The following FGD1 variants were observed in gnomAD, a reference collection of about 807,000 sequenced individuals.
FGD1 encodes FYVE, RhoGEF and PH domain-containing protein 1.
A neutral mutation model predicts 65.0 loss-of-function variants in FGD1; 12 were observed. The observed-to-expected ratio is 0.18, with a 90% CI of 0.12 to 0.30. The LOEUF (loss-of-function observed/expected upper bound fraction) is 0.30. FGD1 is among the 10% of genes least tolerant of loss of function. FGD1 has a pLI of 1.00. For synonymous variants in FGD1, 333 were observed against 343.9 expected (o/e 0.97, Z 0.35); for missense variants, 542 against 837.6 (o/e 0.65, Z 4.36).
At chrX:54,469,135 A>G (rs1319303773) in intron 4 of FGD1, among the ~76,000 whole-genome samples, 1 of 111,649 alleles carries the variant, frequency 9.0e-6, no homozygotes. Flanking sequence ...CTATTCACTC[A>G]GCAGAGTGTA....
intron 1 of FGD1, among the ~76,000 whole-genome samples, chrX:54,476,333 G>T (rs1430863087): frequency 1.9e-5 from 2 of 105,449 alleles, no homozygotes; most frequent in Non-Finnish European, 3.9e-5. Flanking sequence ...ACCCAGCAAG[G>T]TCCTGGATTC....
intron 1 of FGD1, among the ~76,000 whole-genome samples, chrX:54,484,022 C>T (rs5961076): frequency 0.13 from 14,720 of 111,323 alleles, 1,489 homozygotes; most frequent in African/African-American, 0.34. Context: ...TTGTGAAGGG[C>T]TCCCTTTGCC....
intron 1 of FGD1, among the ~76,000 whole-genome samples, chrX:54,476,357 CTT>C (rs148927324): frequency 0.15 from 15,305 of 99,218 alleles, 2,148 homozygotes; most frequent in African/African-American, 0.42. Flanking sequence ...TTCTCCAGCC[CTT>C]TTTTTTTTTT....
chrX:54,479,704 T>C (rs1569541375), intron 1 of FGD1, among the ~76,000 whole-genome samples: 1 of 90,795 alleles, frequency 1.1e-5, no homozygotes, highest in Admixed American at 1.5e-4. Flanking sequence ...GCAGAGGGAG[T>C]GGAGAAGAAC....
intron 1 of FGD1, among the ~76,000 whole-genome samples, chrX:54,482,825 A>G (rs1474240299): frequency 9.0e-6 from 1 of 111,388 alleles, no homozygotes; most frequent in Non-Finnish European, 1.9e-5. Context: ...AGAGACAGAA[A>G]GGTCCACACA....
intron 12 of FGD1, among the ~76,000 whole-genome samples, chrX:54,451,225 G>A (rs1304925297): frequency 2.7e-5 from 3 of 110,670 alleles, no homozygotes; most frequent in African/African-American, 6.6e-5. Context: ...ATCAGTGTGC[G>A]TTCCCCTTCC....
rs1922142465 is a variant in FGD1, at chrX:54,445,889, G to A, written c.*220C>T. 3 of 411,883 alleles carry A rather than the reference G, an allele frequency of 7.3e-6. No individual in the cohort carries two copies. The South Asian group carries it at 1.4e-4, about 19-fold the overall frequency. 33.9% of individuals were successfully genotyped at this position (411,883 alleles called of 1,213,427 possible). On this transcript the variant is annotated 3_prime_UTR_variant, in exon 18 of 18. Transcript: ENST00000375135. Reference sequence around the variant, plus strand: ...CGGCTCCCACCCTCCCTGGGGACAGGGATTAATAAAAATTGACATCACTGT... The same window carrying A: ...CGGCTCCCACCCTCCCTGGGGACAGAGATTAATAAAAATTGACATCACTGT...
At chrX:54,465,370 G>T in intron 8 of FGD1, 81 bp downstream of exon 8, 1 of 1,056,862 alleles carries the variant, frequency 9.5e-7, no homozygotes, top group Non-Finnish European at 1.3e-6. Context: ...TGTGAATTAA[G>T]TCTTGGGGTC....
intron 1 of FGD1, among the ~76,000 whole-genome samples, chrX:54,482,236 G>GCGCGCGCACACACACACACACACACACA (rs796491256): frequency 1.0e-5 from 1 of 99,367 alleles, no homozygotes; most frequent in African/African-American, 3.9e-5. Context: ...GCACACGCGC[G>GCGCGCGCACACACACACACACACACACA]CACACACACA....
At position 54,456,443 on chromosome X, in the gene FGD1, C is replaced by T. The variant is rs1922504530; in HGVS notation, c.1695+66G>A. 3 of 1,204,950 alleles carry T rather than the reference C, an allele frequency of 2.5e-6. No homozygotes were observed. In the East Asian group the frequency reaches 8.9e-5, roughly 36 times the overall value. ...AGATGCCCACAAGTCACGACACCCCCACTCCAGGATGGAGACACCACAGGT... is the reference window on the plus strand; with the variant it reads ...AGATGCCCACAAGTCACGACACCCCTACTCCAGGATGGAGACACCACAGGT... On this transcript the variant is annotated intron_variant, in intron 9 of 17. Transcript: ENST00000375135.
intron 1 of FGD1, among the ~76,000 whole-genome samples, chrX:54,477,922 A>T (rs1923055975): frequency 9.1e-6 from 1 of 109,318 alleles, no homozygotes; most frequent in African/African-American, 3.3e-5. Context: ...GTTCGAGACC[A>T]GCCTGACCAA....
chrX:54,469,696 G>T, intron 4 of FGD1, among the ~76,000 whole-genome samples: 1 of 111,971 alleles, frequency 8.9e-6, no homozygotes, highest in Non-Finnish European at 1.9e-5. Flanking sequence ...ATGTTAGGCT[G>T]CCCGGGCACA....
At chrX:54,468,722 T>G (rs893083464) in intron 5 of FGD1, 65 bp downstream of exon 5, 80 of 776,590 alleles carry the variant, frequency 1.0e-4, no homozygotes, top group Non-Finnish European at 1.5e-4. Context: ...TCAGGCCCTA[T>G]CACTGCCTCC....
chrX:54,465,733 C>T lies in FGD1; in HGVS notation c.1460G>A (p.Arg487His), dbSNP rs763597806. The change falls in exon 7 of 18, where the codon CGC (arginine) becomes CAC (histidine). Residue 487 changes from arginine (R) to histidine (H), a missense_variant. Arg to His is a conservative substitution (Grantham distance 29, BLOSUM62 0). Around this residue, in one of 6 missense-constraint regions of FGD1, gnomAD observed 41 missense variants for 109.5 expected, o/e 0.37. Transcript: ENST00000375135. ...AVELVNTWTERSTQFKVIIHE... is the reference protein window; with the variant it reads ...AVELVNTWTEHSTQFKVIIHE... ...GATGATGACTTTAAACTGGGTGGAG[C>T]GCTCTGTCCAGGTGTTGACCAGCTC... The T allele has an allele frequency of 4.1e-6, 5 of 1,211,403 alleles. No individual in the cohort carries two copies. Among genetic ancestry groups the T allele is most frequent in the Non-Finnish European group, 5.6e-6 (5 of 895,493 alleles).
At chrX:54,447,222 C>G (rs1922235614) in intron 17 of FGD1, 89 bp downstream of exon 17, 2 of 1,022,724 alleles carry the variant, frequency 2.0e-6, no homozygotes, top group South Asian at 1.9e-5. Context: ...TTCCAAGGCT[C>G]ACCTTATCTT....
At chrX:54,447,780 C>CT (rs1922266773) in intron 16 of FGD1, among the ~76,000 whole-genome samples, 1 of 112,292 alleles carries the variant, frequency 8.9e-6, no homozygotes, top group African/African-American at 3.2e-5. Context: ...TTTTTTCTGT[C>CT]TTTCATCACA....
intron 1 of FGD1, among the ~76,000 whole-genome samples, chrX:54,473,452 C>G (rs1417050087): frequency 1.8e-5 from 2 of 112,006 alleles, no homozygotes; most frequent in Non-Finnish European, 3.8e-5. Context: ...ATACCACACA[C>G]TCAGAAACAC....
rs1268812708 is a variant in FGD1 at position 54,470,303 on chromosome X, G to T, written c.814C>A (p.Pro272Thr). 1 of 1,206,664 alleles carries T rather than the reference G, an allele frequency of 8.3e-7. No homozygotes were observed. ...SRCLFLLAPG[P>T]RDGEKVPNRD... ...TTGGGCACCTTCTCACCGTCCCGGG[G>T]CCCAGGAGCCAGCAGAAACAGGCAG... Residue 272 changes from proline to threonine, a missense_variant, in exon 4 of 18, where the codon CCC becomes ACC. Physicochemically the swap from Pro to Thr is conservative, Grantham distance 38. Around this residue, in one of 6 missense-constraint regions of FGD1, gnomAD observed 297 missense variants for 326.8 expected, o/e 0.91. Transcript: ENST00000375135.
At chrX:54,474,105 C>T (rs1922963019) in intron 1 of FGD1, among the ~76,000 whole-genome samples, 2 of 111,312 alleles carry the variant, frequency 1.8e-5, no homozygotes, top group Admixed American at 1.9e-4. Context: ...GGAACCAATT[C>T]CCCATGGAGA....
Sources: gnomAD v4.1 joint callset for allele counts (sites outside exome capture counted in the v4.1 genomes callset) on GRCh38, gnomAD v4.1.1 for gene constraint, gnomAD v4.1.1 regional missense constraint, MANE v1.5 for transcripts, NCBI Gene and HGNC (gene_info 2026-07-23, HGNC 2026-07-21) for gene names.